CPS1: variants seen among roughly 807,000 people sequenced by gnomAD.
CPS1 encodes carbamoyl-phosphate synthase 1.
In CPS1, 109 loss-of-function variants were observed where a neutral mutation model predicts 174.6. That is an observed-to-expected ratio of 0.62 (90% CI 0.53 to 0.73). The LOEUF (loss-of-function observed/expected upper bound fraction) is 0.73. Ranked by LOEUF, CPS1 falls within the 30% of genes least tolerant of loss-of-function variation. The pLI, the probability that CPS1 is intolerant of heterozygous loss-of-function variation, is 0.00. For synonymous variants in CPS1, 637 were observed against 632.0 expected, an observed-to-expected ratio of 1.01 and a Z score of -0.12; for missense variants, 1,689 against 1,821.9, an observed-to-expected ratio of 0.93 and a Z score of 1.33.
At chr2:210,525,333 C>G (rs1303569153) in intron 1 of CPS1, among the ~76,000 whole-genome samples, 1 of 151,908 alleles carries the variant, frequency 6.6e-6, no homozygotes, top group Non-Finnish European at 1.5e-5. Context: ...AGAGACTATG[C>G]TGTCTTTTAA....
intron 6 of CPS1, among the ~76,000 whole-genome samples, chr2:210,585,164 A>G (rs1195766902): frequency 6.6e-6 from 1 of 151,974 alleles, no homozygotes; most frequent in Non-Finnish European, 1.5e-5. Context: ...TGGTTTACTT[A>G]TTTGAATCCC....
chr2:210,650,181 G>A (rs903647276), intron 27 of CPS1, among the ~76,000 whole-genome samples, 182 bp from the exon 28 acceptor site: 10 of 152,130 alleles, frequency 6.6e-5, no homozygotes, highest in Non-Finnish European at 2.9e-5. Context: ...CCTCAGCTTC[G>A]TCAGTTTTAT....
At chr2:210,597,833 C>A (rs984825930) in intron 13 of CPS1, among the ~76,000 whole-genome samples, 2 of 147,542 alleles carry the variant, frequency 1.4e-5, no homozygotes. Flanking sequence ...CATATATATA[C>A]ACACACACAC....
intron 1 of CPS1, among the ~76,000 whole-genome samples, chr2:210,513,424 A>G (rs987038590): frequency 2.0e-5 from 3 of 151,604 alleles, no homozygotes; most frequent in African/African-American, 4.8e-5. Context: ...TTTCTCTGAC[A>G]GTTATGTGGA....
upstream of CPS1, among the ~76,000 whole-genome samples, chr2:210,555,874 A>G (rs1222040156): frequency 6.6e-6 from 1 of 152,046 alleles, no homozygotes; most frequent in African/African-American, 2.4e-5. Flanking sequence ...AATTTTATAT[A>G]TAACATTTTA....
chr2:210,584,760 G>A (rs1574554061), intron 6 of CPS1, among the ~76,000 whole-genome samples: 1 of 151,940 alleles, frequency 6.6e-6, no homozygotes, highest in Non-Finnish European at 1.5e-5. Flanking sequence ...CTAACCTCAT[G>A]CTATTTTTCT....
rs538248135 is a variant in CPS1, at chr2:210,531,481, T to G, written c.4-25238T>G. ...AATTGGGAACATTTTAATGAGGCAATCCAACCCAAAGCTTTGCATTCAAGT... is the reference window on the plus strand; with the variant it reads ...AATTGGGAACATTTTAATGAGGCAAGCCAACCCAAAGCTTTGCATTCAAGT... On this transcript the variant is annotated intron_variant, in intron 1 of 38. Coordinates refer to the CPS1 transcript ENST00000430249. 1.1e-4 allele frequency among the ~76,000 whole-genome samples: 17 copies of G among 152,226 alleles called. No homozygotes were observed. The South Asian group carries it at 2.3e-3, about 20-fold the overall frequency.
intron 33 of CPS1, among the ~76,000 whole-genome samples, chr2:210,667,170 T>C (rs894674702): frequency 1.2e-4 from 18 of 152,216 alleles, no homozygotes; most frequent in Non-Finnish European, 2.4e-4. Context: ...TTTTTGTACA[T>C]TGATTTTGTA....
At chr2:210,481,089 TGCTGGGTGAGA>T (rs1694557333) in intron 1 of CPS1, among the ~76,000 whole-genome samples, 1 of 152,218 alleles carries the variant, frequency 6.6e-6, no homozygotes, top group African/African-American at 2.4e-5. Context: ...TCAATGTACC[TGCTGGGTGAGA>T]GCTGCTATTA....
intron 1 of CPS1, among the ~76,000 whole-genome samples, chr2:210,565,413 A>G (rs544132269): frequency 1.3e-5 from 2 of 152,348 alleles, no homozygotes; most frequent in South Asian, 4.1e-4. Flanking sequence ...CCAAACTGTT[A>G]GTGGAAAGTA....
Position 210,594,522 on chromosome 2 carries a change from CT to C in CPS1, c.1184del (p.Phe395SerfsTer3). The stretch of plus-strand genomic sequence containing the variant: ...TTTTTTTCTAGTACCTGTTTGATTC[CT>C]TTTTCTCACTGATAAAGAAAGGAAA... ...PIDTEYLFDSFFSLIKKGKAT... is the reference protein window; with the variant it reads ...PIDTEYLFDSXFSLIKKGKAT... On this transcript the variant is annotated frameshift_variant, in exon 12 of 38. Transcript: ENST00000233072. LOFTEE classifies it high-confidence loss of function. 1 of 1,610,202 alleles carries C rather than the reference CT, an allele frequency of 6.2e-7. No homozygotes were observed. The highest frequency in any genetic ancestry group is 8.5e-7 in the Non-Finnish European group (1 of 1,177,550).
At chr2:210,646,565 TCTA>T (rs1254278775) in intron 25 of CPS1, among the ~76,000 whole-genome samples, 1 of 152,194 alleles carries the variant, frequency 6.6e-6, no homozygotes, top group Non-Finnish European at 1.5e-5. Flanking sequence ...TTTTGGCAGT[TCTA>T]CTAATATTCA....
At chr2:210,672,471 T>C (rs761740533) in intron 34 of CPS1, 2 of 152,198 alleles carry the variant, frequency 1.3e-5, no homozygotes, top group Non-Finnish European at 2.9e-5. Flanking sequence ...AAGTTCATTT[T>C]GGACATTTCA....
At chr2:210,554,117 G>A (rs1411814599), upstream of CPS1, among the ~76,000 whole-genome samples, 3 of 138,138 alleles carry the variant, frequency 2.2e-5, no homozygotes, top group South Asian at 6.8e-4. Context: ...ATATATATAT[G>A]TATGTATATA....
intron 34 of CPS1, among the ~76,000 whole-genome samples, chr2:210,668,630 A>G (rs1322481184): frequency 6.6e-6 from 1 of 152,174 alleles, no homozygotes; most frequent in Admixed American, 6.6e-5. Flanking sequence ...GTTCCTGAAC[A>G]TAGGCATTAT....
chr2:210,677,362 T>C (rs555015684), intron 37 of CPS1, among the ~76,000 whole-genome samples: 1 of 152,364 alleles, frequency 6.6e-6, no homozygotes, highest in African/African-American at 2.4e-5. Context: ...TGAATGGCCA[T>C]GGCTCTCTCC....
At chr2:210,526,838 T>A (rs370179291) in intron 1 of CPS1, among the ~76,000 whole-genome samples, 2 of 151,964 alleles carry the variant, frequency 1.3e-5, no homozygotes, top group East Asian at 3.9e-4. Flanking sequence ...AGCATAGTAT[T>A]GAAATGAAAA....
At chr2:210,531,949 T>A (rs894592637) in intron 1 of CPS1, among the ~76,000 whole-genome samples, 5 of 152,120 alleles carry the variant, frequency 3.3e-5, no homozygotes, top group African/African-American at 1.2e-4. Context: ...GCAGCTCAAG[T>A]TTCCCAGGTC....
At chr2:210,480,757 T>C (rs888208660) in intron 1 of CPS1, among the ~76,000 whole-genome samples, 1 of 152,200 alleles carries the variant, frequency 6.6e-6, no homozygotes, top group African/African-American at 2.4e-5. Flanking sequence ...TTTTTGTTGT[T>C]GACATTACCT....
Sources: allele counts gnomAD v4.1 joint callset (sites outside exome capture counted in the v4.1 genomes callset), GRCh38; gene constraint gnomAD v4.1.1; transcripts MANE v1.5; gene names NCBI Gene and HGNC (gene_info 2026-07-23, HGNC 2026-07-21).